The following PRR16 variants were observed in gnomAD, a reference collection of about 807,000 sequenced individuals.
PRR16 encodes the protein protein Largen.
Under a neutral mutation model 18.2 loss-of-function variants are expected in PRR16, and 6 were observed. The ratio of observed to expected loss-of-function variants is 0.33; its 90% CI spans 0.18 to 0.65. PRR16 has a LOEUF of 0.65. Ranked by LOEUF, PRR16 falls within the 30% of genes least tolerant of loss-of-function variation. PRR16 has a pLI of 0.74. For missense variants in PRR16, 412 were observed against 376.6 expected, an observed-to-expected ratio of 1.09 and a Z score of -0.78; for synonymous variants, 151 against 147.8, an observed-to-expected ratio of 1.02 and a Z score of -0.16.
intron 1 of PRR16, among the ~76,000 whole-genome samples, chr5:120,533,771 T>C (rs1751627051): frequency 6.6e-6 from 1 of 152,188 alleles, no homozygotes; most frequent in South Asian, 2.1e-4. Context: ...CTTGCAAAAC[T>C]TTTAACTTTT....
intron 1 of PRR16, among the ~76,000 whole-genome samples, chr5:120,684,470 G>C (rs114659330): frequency 1.3e-5 from 2 of 152,236 alleles, no homozygotes; most frequent in Admixed American, 6.5e-5. Context: ...CTAAGTAAGA[G>C]AGGAGGGAAA....
intron 1 of PRR16, among the ~76,000 whole-genome samples, chr5:120,591,607 G>A (rs892782095): frequency 4.0e-5 from 6 of 151,726 alleles, no homozygotes; most frequent in African/African-American, 1.5e-4. Context: ...TGCTTTTGTG[G>A]TTTTAAGTAG....
chr5:120,514,761 C>G (rs1217102835), intron 1 of PRR16, among the ~76,000 whole-genome samples: 1 of 152,184 alleles, frequency 6.6e-6, no homozygotes, highest in African/African-American at 2.4e-5. Flanking sequence ...CTACCAGATT[C>G]TGATCACAAT....
At chr5:120,606,142 C>A (rs1198744674) in intron 1 of PRR16, among the ~76,000 whole-genome samples, 2 of 152,158 alleles carry the variant, frequency 1.3e-5, no homozygotes, top group African/African-American at 4.8e-5. Context: ...AAGGGTAGAA[C>A]TTCAAAGAAA....
At chr5:120,774,956 G>A in the PRR16 span, among the ~76,000 whole-genome samples, 32 of 152,196 alleles carry the variant, frequency 2.1e-4, no homozygotes, top group South Asian at 4.1e-4. Flanking sequence ...GAGTTTTACT[G>A]TATTAATCAC....
chr5:120,521,058 C>G (rs1034532538), intron 1 of PRR16, among the ~76,000 whole-genome samples: 2 of 152,124 alleles, frequency 1.3e-5, no homozygotes, highest in Admixed American at 6.6e-5. Flanking sequence ...ACGGTGGATA[C>G]AGTCAATTCT....
the PRR16 span, among the ~76,000 whole-genome samples, chr5:120,701,531 C>G: frequency 1.3e-5 from 2 of 152,002 alleles, no homozygotes; most frequent in Admixed American, 6.6e-5. Flanking sequence ...GGGCTAGTCA[C>G]GGAACGAAAC....
the PRR16 span, among the ~76,000 whole-genome samples, chr5:120,694,638 T>C: frequency 6.6e-6 from 1 of 150,378 alleles, no homozygotes. Context: ...TGAGCCGAGA[T>C]TGCGCCACTG....
chr5:120,613,866 T>C (rs908852086), intron 1 of PRR16, among the ~76,000 whole-genome samples: 1 of 152,194 alleles, frequency 6.6e-6, no homozygotes, highest in Admixed American at 6.5e-5. Context: ...TGAGCTTTAG[T>C]TGTGTTTAGG....
the PRR16 span, among the ~76,000 whole-genome samples, chr5:120,697,547 C>CA: frequency 6.6e-6 from 1 of 152,168 alleles, no homozygotes; most frequent in Admixed American, 6.5e-5. Flanking sequence ...TTTACATTTT[C>CA]ATGCGCGTCC....
At chr5:120,699,604 C>T in the PRR16 span, among the ~76,000 whole-genome samples, 1 of 152,134 alleles carries the variant, frequency 6.6e-6, no homozygotes, top group Non-Finnish European at 1.5e-5. Context: ...GTTATGAGAA[C>T]TGTAGAGAGT....
intron 1 of PRR16, among the ~76,000 whole-genome samples, chr5:120,501,251 A>T (rs940318023): frequency 9.8e-5 from 15 of 152,340 alleles, no homozygotes; most frequent in Admixed American, 2.0e-4. Flanking sequence ...AATAACACAA[A>T]TTAATTGGAG....
intron 1 of PRR16, among the ~76,000 whole-genome samples, chr5:120,547,920 G>A (rs2112694084): frequency 6.6e-6 from 1 of 151,944 alleles, no homozygotes; most frequent in East Asian, 1.9e-4. Flanking sequence ...TTTCATAGAA[G>A]TTTACTTTAG....
chr5:120,791,031 A>G, the PRR16 span, among the ~76,000 whole-genome samples: 2 of 152,292 alleles, frequency 1.3e-5, no homozygotes, highest in Middle Eastern at 3.4e-3. Context: ...TGAAATGCAC[A>G]CTAAGCATTT....
intron 1 of PRR16, among the ~76,000 whole-genome samples, chr5:120,573,135 G>A (rs1752959540): frequency 6.6e-6 from 1 of 152,122 alleles, no homozygotes; most frequent in African/African-American, 2.4e-5. Flanking sequence ...ATGGGCATTT[G>A]CATCAGATTA....
intron 1 of PRR16, among the ~76,000 whole-genome samples, chr5:120,677,685 A>G (rs998340366): frequency 2.0e-5 from 3 of 152,130 alleles, no homozygotes; most frequent in African/African-American, 7.2e-5. Flanking sequence ...CTTGTGGTTG[A>G]GAATTGTTGA....
chr5:120,601,563 G>A (rs1015588582), intron 1 of PRR16, among the ~76,000 whole-genome samples: 2 of 151,884 alleles, frequency 1.3e-5, no homozygotes, highest in Non-Finnish European at 2.9e-5. Context: ...AGGTTCTTTA[G>A]TTTCTTTAAG....
chr5:120,737,687 A>G, the PRR16 span, among the ~76,000 whole-genome samples: 2 of 148,052 alleles, frequency 1.4e-5, no homozygotes, highest in African/African-American at 5.0e-5. Context: ...TGTTAATTCT[A>G]TTTTCAGTTT....
chr5:120,679,929 A>G lies in PRR16; in HGVS notation c.160-6025A>G, dbSNP rs1325919635. On this transcript the variant is annotated intron_variant, in intron 1 of 1. Transcript: ENST00000407149. ...AACACATTGAAAGATTTAATGTACA[A>G]TATGAGGGCTATAGTTAATAATATT... Among the ~76,000 whole-genome samples the G allele has an allele frequency of 2.0e-5, 3 of 152,152 alleles. No homozygotes were observed. In the South Asian group the frequency reaches 6.2e-4, roughly 32 times the overall value.
Sources: allele counts gnomAD v4.1 joint callset (sites outside exome capture counted in the v4.1 genomes callset), GRCh38; gene constraint gnomAD v4.1.1; transcripts MANE v1.5; gene names NCBI Gene and HGNC (gene_info 2026-07-23, HGNC 2026-07-21).